BCL2: variants seen among roughly 807,000 people sequenced by gnomAD.
BCL2 encodes the protein BCL2 apoptosis regulator, also known as apoptosis regulator Bcl-2.
Under a neutral mutation model 14.2 loss-of-function variants are expected in BCL2, and 1 was observed. The ratio of observed to expected loss-of-function variants is 0.07; its 90% CI spans 0.02 to 0.33. The LOEUF (loss-of-function observed/expected upper bound fraction) is 0.33. BCL2 is among the 10% of genes least tolerant of loss of function. The pLI is 0.99. For synonymous variants in BCL2, 151 were observed against 137.2 expected (o/e 1.10, Z -0.70); for missense variants, 247 against 305.9 (o/e 0.81, Z 1.44).
At chr18:63,176,837 T>C (rs2144636955) in intron 2 of BCL2, among the ~76,000 whole-genome samples, 3 of 152,294 alleles carry the variant, frequency 2.0e-5, no homozygotes, top group Middle Eastern at 6.8e-3. Flanking sequence ...TTCCTTCATC[T>C]AACTGTATGT....
chr18:63,181,454 G>C (rs1915479024), intron 2 of BCL2, among the ~76,000 whole-genome samples: 1 of 152,164 alleles, frequency 6.6e-6, no homozygotes, highest in Non-Finnish European at 1.5e-5. Context: ...CCAAGCACTG[G>C]CCGTCAGAAT....
chr18:63,281,714 A>G (rs1912318823), intron 2 of BCL2, among the ~76,000 whole-genome samples: 1 of 147,708 alleles, frequency 6.8e-6, no homozygotes, highest in Non-Finnish European at 1.5e-5. Flanking sequence ...GAAAGAAAGA[A>G]AGAAAGAAAG....
chr18:63,228,508 T>C (rs1338606457), intron 2 of BCL2, among the ~76,000 whole-genome samples: 1 of 140,526 alleles, frequency 7.1e-6, no homozygotes, highest in Non-Finnish European at 1.6e-5. Flanking sequence ...ATATTTTGTT[T>C]GTTTATTATC....
chr18:63,174,820 CAAAAAA>C (rs953107518), intron 2 of BCL2, among the ~76,000 whole-genome samples: 1 of 72,284 alleles, frequency 1.4e-5, no homozygotes, highest in African/African-American at 4.5e-5. Context: ...GACTTTGTCT[CAAAAAA>C]AAAAAAAAAA....
At position 63,318,819 on chromosome 18, in the gene BCL2, AC is replaced by A; in HGVS notation, c.-154del. On this transcript the variant is annotated 5_prime_UTR_variant, in exon 2 of 3. An upstream open reading frame in the 5' UTR gains an earlier in-frame stop. Transcript: ENST00000333681. This position sits in a 1 kb window ranked among gnomAD's most constrained non-coding sequence, Gnocchi z 7.4. ...GAGGGGGTGTCTTCAATCACGCGGAACACTTGATTCTGGTGTTTCCCCCTTG... is the reference window on the plus strand; with the variant it reads ...GAGGGGGTGTCTTCAATCACGCGGAAACTTGATTCTGGTGTTTCCCCCTTG... 4.9e-6 allele frequency: 7 copies of A among 1,439,056 alleles called. No individual in the cohort carries two copies. The highest frequency in any genetic ancestry group is 6.4e-6 in the Non-Finnish European group (7 of 1,095,108). The allele number at this position is 1,439,056 out of a possible 1,614,324, so 89.1% of individuals were successfully genotyped here. A position where few individuals can be genotyped will look rare whatever the true frequency, so the allele number is the denominator to read the frequency against.
chr18:63,285,105 C>G (rs1912433150), intron 2 of BCL2, among the ~76,000 whole-genome samples: 1 of 152,238 alleles, frequency 6.6e-6, no homozygotes, highest in African/African-American at 2.4e-5. Context: ...TCACCTGCAG[C>G]TGCACCACCC....
In BCL2 at chr18:63,128,564, A is replaced by G; in HGVS notation, c.*61T>C. 7.9e-6 allele frequency: 6 copies of G among 763,092 alleles called. No individual in the cohort carries two copies. Among genetic ancestry groups the G allele is most frequent in the South Asian group, 2.8e-5 (2 of 72,376 alleles). 47.3% of individuals were successfully genotyped at this position (763,092 alleles called of 1,614,324 possible). On this transcript the variant is annotated 3_prime_UTR_variant, in exon 3 of 3. Coordinates refer to ENST00000333681, the MANE Select transcript of BCL2 (RefSeq NM_000633.3). ...TTTCATGGTACATCACTGACAATGC[A>G]TATTATTTCTACTGCTTTAGTGAAC...
intron 2 of BCL2, among the ~76,000 whole-genome samples, chr18:63,220,447 G>C (rs1910358547): frequency 6.6e-6 from 1 of 152,208 alleles, no homozygotes; most frequent in Non-Finnish European, 1.5e-5. Context: ...TCGGTGGTTT[G>C]CATAGGTCTA....
intron 2 of BCL2, among the ~76,000 whole-genome samples, chr18:63,296,023 G>A (rs1322466691): frequency 1.3e-5 from 2 of 152,034 alleles, no homozygotes; most frequent in Non-Finnish European, 2.9e-5. Flanking sequence ...AATTCAGCAA[G>A]TCTTACCTTT....
intron 2 of BCL2, among the ~76,000 whole-genome samples, chr18:63,169,494 C>T (rs1319004035): frequency 7.7e-6 from 1 of 130,102 alleles, no homozygotes; most frequent in East Asian, 2.4e-4. Flanking sequence ...CTCCCTCCCT[C>T]CTCTCTTTCT....
intron 2 of BCL2, among the ~76,000 whole-genome samples, chr18:63,250,548 A>G (rs1045750458): frequency 6.6e-6 from 1 of 152,238 alleles, no homozygotes; most frequent in African/African-American, 2.4e-5. Context: ...AAAAGCATAT[A>G]CTATTCAAAG....
At chr18:63,254,222 G>A (rs1162510705) in intron 2 of BCL2, among the ~76,000 whole-genome samples, 3 of 151,734 alleles carry the variant, frequency 2.0e-5, no homozygotes, top group Non-Finnish European at 4.4e-5. Flanking sequence ...CAACATGACT[G>A]GACAAAACCA....
At chr18:63,137,314 C>T (rs1914233822) in intron 2 of BCL2, among the ~76,000 whole-genome samples, 1 of 152,234 alleles carries the variant, frequency 6.6e-6, no homozygotes, top group Non-Finnish European at 1.5e-5. Flanking sequence ...CATCTGTTTA[C>T]ATGTCTGCCT....
intron 2 of BCL2, among the ~76,000 whole-genome samples, chr18:63,202,936 T>G (rs1027664873): frequency 6.6e-6 from 1 of 152,174 alleles, no homozygotes; most frequent in African/African-American, 2.4e-5. Flanking sequence ...GGATTTCTTC[T>G]CCTCTCTTCT....
At chr18:63,285,528 C>G (rs1912446914) in intron 2 of BCL2, among the ~76,000 whole-genome samples, 1 of 152,196 alleles carries the variant, frequency 6.6e-6, no homozygotes, top group South Asian at 2.1e-4. Context: ...AATCTTGTGA[C>G]AGGGGAACAT....
At chr18:63,293,333 G>A (rs1052158080) in intron 2 of BCL2, among the ~76,000 whole-genome samples, 1 of 152,152 alleles carries the variant, frequency 6.6e-6, no homozygotes, top group African/African-American at 2.4e-5. Flanking sequence ...CTTTTTTGGG[G>A]CTGTGAAGGG....
intron 2 of BCL2, among the ~76,000 whole-genome samples, chr18:63,255,879 A>C (rs144708736): frequency 1.3e-5 from 2 of 152,272 alleles, no homozygotes; most frequent in Non-Finnish European, 2.9e-5. Context: ...AAAAGTAAGA[A>C]ATTAATTTTC....
chr18:63,199,460 C>T (rs974473660), intron 2 of BCL2, among the ~76,000 whole-genome samples: 1 of 151,368 alleles, frequency 6.6e-6, no homozygotes, highest in East Asian at 1.9e-4. Flanking sequence ...GAGACACACG[C>T]AGACAAATGC....
chr18:63,251,484 A>C (rs1238668831), intron 2 of BCL2, among the ~76,000 whole-genome samples: 2 of 151,632 alleles, frequency 1.3e-5, no homozygotes, highest in African/African-American at 4.8e-5. Flanking sequence ...TCTACTAAAA[A>C]ATACAAAAAA....
Sources: gnomAD v4.1 joint callset for allele counts (sites outside exome capture counted in the v4.1 genomes callset) on GRCh38, gnomAD v4.1.1 for gene constraint, Gnocchi (gnomAD v3.1) non-coding constraint, MANE v1.5 for transcripts, NCBI Gene and HGNC (gene_info 2026-07-23, HGNC 2026-07-21) for gene names.